Variants in SORBS2 observed in about 807,000 individuals in gnomAD.
SORBS2 encodes the protein sorbin and SH3 domain containing 2, also known as sorbin and SH3 domain-containing protein 2.
Under a neutral mutation model 97.7 loss-of-function variants are expected in SORBS2, and 46 were observed. The observed-to-expected ratio is 0.47, with a 90% CI of 0.37 to 0.60. The LOEUF is 0.60. Ranked by LOEUF, SORBS2 falls within the 20% of genes least tolerant of loss-of-function variation. The pLI is 0.00. For missense variants in SORBS2, 1,316 were observed against 1,282.3 expected, an observed-to-expected ratio of 1.03 and a Z score of -0.40; for synonymous variants, 476 against 473.4, an observed-to-expected ratio of 1.01 and a Z score of -0.07.
intron 2 of SORBS2, among the ~76,000 whole-genome samples, chr4:185,709,078 C>T (rs994214328): frequency 5.3e-5 from 8 of 152,128 alleles, no homozygotes; most frequent in Non-Finnish European, 1.0e-4. Flanking sequence ...AGTGCAGTGG[C>T]GGGATCTCTG....
intron 2 of SORBS2, among the ~76,000 whole-genome samples, chr4:185,768,112 G>C (rs557650205): frequency 6.6e-5 from 10 of 152,252 alleles, no homozygotes; most frequent in African/African-American, 2.4e-4. Context: ...AGTTCTGGGG[G>C]ACTTCACATT....
At chr4:185,819,974 T>A (rs1167348433) in intron 1 of SORBS2, among the ~76,000 whole-genome samples, 1 of 151,404 alleles carries the variant, frequency 6.6e-6, no homozygotes, top group Non-Finnish European at 1.5e-5. Context: ...GAAAGGATGA[T>A]AATATTATCT....
chr4:185,765,476 T>A (rs1216431492), intron 2 of SORBS2, among the ~76,000 whole-genome samples: 1 of 152,184 alleles, frequency 6.6e-6, no homozygotes, highest in Non-Finnish European at 1.5e-5. Flanking sequence ...AAACGTTTTT[T>A]AATTTTGATA....
rs548585254 is a variant in SORBS2 at position 185,624,583 on chromosome 4, A to G, written c.635-89T>C. 5 of 1,360,902 alleles carry G rather than the reference A, an allele frequency of 3.7e-6. No homozygotes were observed. The East Asian group carries it at 7.1e-5, about 19-fold the overall frequency. 84.3% of individuals were successfully genotyped at this position (1,360,902 alleles called of 1,614,324 possible). A position where few individuals can be genotyped will look rare whatever the true frequency, so the allele number is the denominator to read the frequency against. On this transcript the variant is annotated intron_variant, in intron 6 of 14. Transcript: ENST00000418609. Reference sequence around the variant, plus strand: ...GAGGAGAGCATGTCAGTAAAGCATCAGACAGCATAGCAAGGAGAAAGCAGT... The same window carrying G: ...GAGGAGAGCATGTCAGTAAAGCATCGGACAGCATAGCAAGGAGAAAGCAGT...
At chr4:185,787,262 T>C (rs1054334534) in intron 1 of SORBS2, among the ~76,000 whole-genome samples, 9 of 152,140 alleles carry the variant, frequency 5.9e-5, no homozygotes, top group African/African-American at 2.2e-4. Context: ...AGGGATACTT[T>C]GAATGGAAAG....
intron 2 of SORBS2, among the ~76,000 whole-genome samples, chr4:185,755,711 C>T (rs927480050): frequency 6.6e-6 from 1 of 152,228 alleles, no homozygotes; most frequent in African/African-American, 2.4e-5. Flanking sequence ...AAAGGTCTCA[C>T]TTAGACTCTC....
chr4:185,808,562 A>G (rs7666899), intron 1 of SORBS2, among the ~76,000 whole-genome samples: 23,769 of 152,190 alleles, frequency 0.16, 2,178 homozygotes, highest in East Asian at 0.31. Flanking sequence ...ACCTATATCT[A>G]TATCAAGAGT....
intron 3 of SORBS2, among the ~76,000 whole-genome samples, chr4:185,647,600 T>C (rs115077314): frequency 1.9e-3 from 286 of 152,122 alleles, no homozygotes; most frequent in African/African-American, 6.6e-3. Flanking sequence ...TAATTCTGCT[T>C]CCATGGAATG....
intron 2 of SORBS2, among the ~76,000 whole-genome samples, chr4:185,746,051 A>G (rs1384093443): frequency 1.3e-5 from 2 of 152,236 alleles, no homozygotes; most frequent in African/African-American, 4.8e-5. Context: ...AAGTGACAGA[A>G]GCATAGAGGG....
intron 1 of SORBS2, among the ~76,000 whole-genome samples, chr4:185,803,874 C>T (rs1447035788): frequency 6.6e-6 from 1 of 152,162 alleles, no homozygotes; most frequent in African/African-American, 2.4e-5. Flanking sequence ...CAGCCCTTCT[C>T]CCAAAACAGA....
intron 1 of SORBS2, among the ~76,000 whole-genome samples, chr4:185,870,177 G>C (rs924618704): frequency 5.3e-5 from 8 of 152,144 alleles, no homozygotes; most frequent in African/African-American, 1.9e-4. Context: ...TTTTAAGTGA[G>C]GAAAATGTTA....
At chr4:185,923,752 C>A (rs1246832567) in intron 1 of SORBS2, among the ~76,000 whole-genome samples, 6 of 152,150 alleles carry the variant, frequency 3.9e-5, no homozygotes. Context: ...GAGAGAAACA[C>A]TTCTACACGA....
intron 1 of SORBS2, among the ~76,000 whole-genome samples, chr4:185,901,273 G>A (rs901637279): frequency 6.6e-6 from 1 of 151,760 alleles, no homozygotes; most frequent in African/African-American, 2.4e-5. Context: ...GCACAATCTC[G>A]GCTCACCGAA....
intron 1 of SORBS2, among the ~76,000 whole-genome samples, chr4:185,653,411 A>T (rs2097345319): frequency 6.6e-6 from 1 of 152,226 alleles, no homozygotes; most frequent in South Asian, 2.1e-4. Context: ...GGGGAGCAGT[A>T]GGCTGTAGTG....
At chr4:185,717,991 G>A (rs948553295) in intron 2 of SORBS2, among the ~76,000 whole-genome samples, 1 of 152,132 alleles carries the variant, frequency 6.6e-6, no homozygotes, top group Non-Finnish European at 1.5e-5. Context: ...CTGCAACCCC[G>A]ACACTTTGGG....
intron 5 of SORBS2, among the ~76,000 whole-genome samples, chr4:185,627,678 C>T (rs180734087): frequency 2.6e-5 from 4 of 152,238 alleles, no homozygotes; most frequent in African/African-American, 4.8e-5. Flanking sequence ...CCTGATGCGT[C>T]GTCACCCCAA....
At chr4:185,769,028 T>A (rs1459226920) in intron 2 of SORBS2, among the ~76,000 whole-genome samples, 1 of 152,146 alleles carries the variant, frequency 6.6e-6, no homozygotes, top group Admixed American at 6.5e-5. Flanking sequence ...TAATTGATTT[T>A]AGGACTAGGA....
chr4:185,718,252 A>C (rs556799045), intron 2 of SORBS2, among the ~76,000 whole-genome samples: 90 of 152,266 alleles, frequency 5.9e-4, no homozygotes, highest in African/African-American at 2.0e-3. Flanking sequence ...GAAAATATGT[A>C]ATATACTTAG....
intron 2 of SORBS2, among the ~76,000 whole-genome samples, chr4:185,697,825 G>T (rs2098199476): frequency 6.6e-6 from 1 of 152,090 alleles, no homozygotes; most frequent in Non-Finnish European, 1.5e-5. Context: ...GAGGAGAAAA[G>T]CCTTGATCTT....
Sources: allele counts gnomAD v4.1 joint callset (sites outside exome capture counted in the v4.1 genomes callset), GRCh38; gene constraint gnomAD v4.1.1; transcripts MANE v1.5; gene names NCBI Gene and HGNC (gene_info 2026-07-23, HGNC 2026-07-21).